Variants in PAXBP1 observed in about 807,000 individuals in gnomAD.
PAXBP1 encodes PAX3- and PAX7-binding protein 1.
In PAXBP1, 44 loss-of-function variants were observed where a neutral mutation model predicts 119.9. The ratio of observed to expected loss-of-function variants is 0.37; its 90% CI spans 0.29 to 0.47. The LOEUF (loss-of-function observed/expected upper bound fraction) is 0.47, where lower values mean the gene tolerates loss of function less well. PAXBP1 is among the 20% of genes least tolerant of loss of function. The pLI is 0.99. For missense variants in PAXBP1, 898 were observed against 1,134.1 expected (o/e 0.79, Z 2.99); for synonymous variants, 393 against 406.6 (o/e 0.97, Z 0.40).
At chr21:32,740,120 T>C (rs939013435) in intron 15 of PAXBP1, among the ~76,000 whole-genome samples, 3 of 152,024 alleles carry the variant, frequency 2.0e-5, no homozygotes, top group African/African-American at 7.2e-5. Flanking sequence ...CTGCCTCCCA[T>C]TCTATTCAAA....
chr21:32,753,435 A>AC (rs1408917796), intron 8 of PAXBP1, among the ~76,000 whole-genome samples: 1 of 151,770 alleles, frequency 6.6e-6, no homozygotes, highest in Non-Finnish European at 1.5e-5. Context: ...CAAAAAAAAA[A>AC]AAAAAAAAAA....
Position 32,769,959 on chromosome 21 carries a change from AAT to A in PAXBP1, c.344-19_344-18del. ...CTTCATTTTCTTAAAAAGGAAATTA[AAT>A]GAAGTCTGTAGCAACTATTTTCTGA... On this transcript the variant is annotated intron_variant, in intron 1 of 17. Transcript: ENST00000331923. 1.3e-6 allele frequency: 2 copies of A among 1,497,416 alleles called. No individual in the cohort carries two copies. Among genetic ancestry groups the A allele is most frequent in the Non-Finnish European group, 1.8e-6 (2 of 1,106,478 alleles). The allele number at this position is 1,497,416 out of a possible 1,614,324, so 92.8% of individuals were successfully genotyped here.
At chr21:32,759,358 C>T (rs958907945) in intron 6 of PAXBP1, 89 bp from the exon 7 acceptor site, 6 of 1,205,788 alleles carry the variant, frequency 5.0e-6, no homozygotes, top group Non-Finnish European at 6.9e-6. Flanking sequence ...ATGCATTTAG[C>T]TCCACTATTA....
intron 11 of PAXBP1, among the ~76,000 whole-genome samples, chr21:32,748,258 G>A (rs1476112239): frequency 6.6e-6 from 1 of 151,794 alleles, no homozygotes; most frequent in African/African-American, 2.4e-5. Context: ...GCTGAAAAAA[G>A]GATTATATGT....
intron 8 of PAXBP1, 41 bp downstream of exon 8, chr21:32,755,189 G>C (rs760536295): frequency 6.4e-7 from 1 of 1,570,350 alleles, no homozygotes; most frequent in East Asian, 2.3e-5. Context: ...AAGTAAACAA[G>C]GTTGTTTAAT....
intron 1 of PAXBP1, among the ~76,000 whole-genome samples, chr21:32,770,590 T>TA (rs2044322134): frequency 6.6e-6 from 1 of 152,214 alleles, no homozygotes; most frequent in African/African-American, 2.4e-5. Flanking sequence ...AACATGGAAT[T>TA]AACTGGGTTA....
rs766516346 is a variant in PAXBP1 at position 32,771,364 on chromosome 21, G to C, written c.305C>G (p.Pro102Arg). Residue 102 changes from proline (P) to arginine (R), a missense_variant, in exon 1 of 18, where the codon CCC becomes CGC. This residue lies in a region of PAXBP1 where 299 missense variants were observed against 281.4 expected (regional missense o/e 1.06). Coordinates refer to ENST00000331923, the MANE Select transcript of PAXBP1 (RefSeq NM_016631.4). The stretch of plus-strand genomic sequence containing the variant: ...CTGGAAGCTGAGCAGGCTGGCCCGG[G>C]GCACCTCTTTGTTCTCGCGAGGCCT... Reference protein sequence around the residue: ...RKRPRENKEVPRASLLSFQDE... With the variant: ...RKRPRENKEVRRASLLSFQDE... 2.5e-6 allele frequency: 4 copies of C among 1,585,048 alleles called. No homozygotes were observed. The highest frequency in any genetic ancestry group is 2.6e-6 in the Non-Finnish European group (3 of 1,173,468).
chr21:32,741,725 G>GC, intron 15 of PAXBP1: 1 of 531,608 alleles, frequency 1.9e-6, no homozygotes, highest in Non-Finnish European at 3.4e-6. Flanking sequence ...GGTTGGCTTT[G>GC]CGGAAAAGGG....
intron 15 of PAXBP1, among the ~76,000 whole-genome samples, chr21:32,740,780 G>T (rs1337508576): frequency 6.6e-6 from 1 of 151,832 alleles, no homozygotes; most frequent in Non-Finnish European, 1.5e-5. Flanking sequence ...TTCTGCATAT[G>T]GAAGACTATT....
In PAXBP1 at chr21:32,740,091, G is replaced by A. The variant is rs192219288; in HGVS notation, c.2335-1772C>T. The stretch of plus-strand genomic sequence containing the variant: ...ATATCTTGGGCCTCTTCAAGCTGGG[G>A]ACCCCGCTGAGGGCAAATCTGCCTC... On this transcript the variant is annotated intron_variant, in intron 15 of 17. Coordinates refer to ENST00000331923, the MANE Select transcript of PAXBP1 (RefSeq NM_016631.4). 4.2e-3 allele frequency among the ~76,000 whole-genome samples: 638 copies of A among 152,200 alleles called. 5 individuals carry two copies. The Middle Eastern group carries it at 0.058, about 14-fold the overall frequency.
At position 32,769,950 on chromosome 21, in the gene PAXBP1, A is replaced by C; in HGVS notation, c.344-8T>G. On this transcript the variant is annotated splice_region_variant and splice_polypyrimidine_tract_variant and intron_variant, in intron 1 of 17. Coordinates refer to ENST00000331923, the MANE Select transcript of PAXBP1 (RefSeq NM_016631.4). ...TGAAAACTTCTTCATTTTCTTAAAA[A>C]GGAAATTAAATGAAGTCTGTAGCAA... 6.6e-7 allele frequency: 1 copy of C among 1,509,954 alleles called. No individual in the cohort carries two copies. The highest frequency in any genetic ancestry group is 9.0e-7 in the Non-Finnish European group (1 of 1,115,564). 93.5% of individuals were successfully genotyped at this position (1,509,954 alleles called of 1,614,324 possible). A position where few individuals can be genotyped will look rare whatever the true frequency, so the allele number is the denominator to read the frequency against.
chr21:32,756,383 TA>T (rs1569162646), intron 7 of PAXBP1: 3 of 507,818 alleles, frequency 5.9e-6, no homozygotes, highest in Admixed American at 2.3e-5. Context: ...AAATGGAAAA[TA>T]AAAAAAGGCA....
chr21:32,758,644 T>TAAAAAAAAAAAAAAAAAAAA (rs138934420), intron 7 of PAXBP1, among the ~76,000 whole-genome samples: 1 of 104,108 alleles, frequency 9.6e-6, no homozygotes, highest in Non-Finnish European at 2.0e-5. Context: ...TCATCCAGGG[T>TAAAAAAAAAAAAAAAAAAAA]AAAAAAAAAA....
intron 15 of PAXBP1, among the ~76,000 whole-genome samples, chr21:32,738,940 C>G (rs2043732724): frequency 6.6e-6 from 1 of 152,150 alleles, no homozygotes; most frequent in Non-Finnish European, 1.5e-5. Flanking sequence ...GAGGTCATTC[C>G]TGACCTCTCT....
At position 32,764,488 on chromosome 21, in the gene PAXBP1, T is replaced by C. The variant is rs2146520252; in HGVS notation, c.509A>G (p.Asp170Gly). ...QPLDKTGHVKDTNQEDGVIIS... is the reference protein window; with the variant it reads ...QPLDKTGHVKGTNQEDGVIIS... Reference sequence around the variant, plus strand: ...GATAACTCCATCTTCTTGATTTGTATCCTTAACATGTCCTGTTTTGTCCAA... The same window carrying C: ...GATAACTCCATCTTCTTGATTTGTACCCTTAACATGTCCTGTTTTGTCCAA... The change falls in exon 3 of 18, where the codon GAT becomes GGT. Residue 170 changes from aspartate to glycine, a missense_variant. Physicochemically the swap from Asp to Gly is moderately conservative, Grantham distance 94. This residue lies in a region of PAXBP1 where 299 missense variants were observed against 281.4 expected (regional missense o/e 1.06). Coordinates refer to ENST00000331923, the MANE Select transcript of PAXBP1 (RefSeq NM_016631.4). 2 of 1,613,480 alleles carry C rather than the reference T, an allele frequency of 1.2e-6. No individual in the cohort carries two copies. Among genetic ancestry groups the C allele is most frequent in the Non-Finnish European group, 1.7e-6 (2 of 1,179,688 alleles).
intron 2 of PAXBP1, among the ~76,000 whole-genome samples, chr21:32,769,524 A>G (rs2044298855): frequency 6.6e-6 from 1 of 152,220 alleles, no homozygotes; most frequent in Admixed American, 6.5e-5. Flanking sequence ...GGCTAAAATG[A>G]GAAACCTTCT....
chr21:32,750,974 G>C lies in PAXBP1; in HGVS notation c.1666C>G (p.Leu556Val). 1 of 1,614,036 alleles carries C rather than the reference G, an allele frequency of 6.2e-7. No individual in the cohort carries two copies. The highest frequency in any genetic ancestry group is 1.1e-5 in the South Asian group (1 of 91,070). The change falls in exon 10 of 18, where the codon CTT becomes GTT. Residue 556 changes from leucine to valine, a missense_variant. This residue lies in a region of PAXBP1 where 599 missense variants were observed against 852.7 expected (regional missense o/e 0.70). Coordinates refer to ENST00000331923, the MANE Select transcript of PAXBP1 (RefSeq NM_016631.4). ...GAAGTTTCTTCATCATCACTGGAAAGGCCTTCAAGGTGATCTGCCATCTTA... is the reference window on the plus strand; with the variant it reads ...GAAGTTTCTTCATCATCACTGGAAACGCCTTCAAGGTGATCTGCCATCTTA... ...TGKMADHLEG[L>V]SSDDEETSTD...
chr21:32,745,795 G>C, intron 11 of PAXBP1, 77 bp from the exon 12 acceptor site: 1 of 1,554,046 alleles, frequency 6.4e-7, no homozygotes, highest in Non-Finnish European at 8.8e-7. Context: ...AGAGAAACAA[G>C]AACTGGATTT....
chr21:32,748,276 A>G (rs774676034), intron 11 of PAXBP1, among the ~76,000 whole-genome samples: 5 of 152,196 alleles, frequency 3.3e-5, no homozygotes, highest in Non-Finnish European at 7.3e-5. Context: ...TGTAAACTGA[A>G]AAAACAACAA....
Sources: gnomAD v4.1 joint callset for allele counts (sites outside exome capture counted in the v4.1 genomes callset) on GRCh38, gnomAD v4.1.1 for gene constraint, gnomAD v4.1.1 regional missense constraint, MANE v1.5 for transcripts, NCBI Gene and HGNC (gene_info 2026-07-23, HGNC 2026-07-21) for gene names.